The following ENTPD1 variants were observed in gnomAD, a reference collection of about 807,000 sequenced individuals.
ENTPD1 encodes ectonucleoside triphosphate diphosphohydrolase 1, also known as ATP diphosphohydrolase.
ENTPD1 carries 33 observed loss-of-function variants against 57.0 expected under a neutral mutation model. The ratio of observed to expected loss-of-function variants is 0.58; its 90% CI spans 0.44 to 0.77. ENTPD1 has a LOEUF of 0.77. ENTPD1 is among the 30% of genes least tolerant of loss of function. The pLI is 0.00. For missense variants in ENTPD1, 501 were observed against 603.4 expected (o/e 0.83, Z 1.78); for synonymous variants, 202 against 218.8 (o/e 0.92, Z 0.68).
intron 2 of ENTPD1, among the ~76,000 whole-genome samples, chr10:95,836,686 G>A (rs2098410526): frequency 6.6e-6 from 1 of 152,190 alleles, no homozygotes; most frequent in Non-Finnish European, 1.5e-5. Context: ...GGACTTTTGA[G>A]CCCAGGAGGC....
Position 95,864,789 on chromosome 10 carries a change from C to G in ENTPD1, c.1254C>G (p.Tyr418Ter). The G allele has an allele frequency of 6.2e-7, 1 of 1,614,088 alleles. No homozygotes were observed. The highest frequency in any genetic ancestry group is 8.5e-7 in the Non-Finnish European group (1 of 1,179,986). ...YLSEYCFSGT[Y>*]ILSLLLQGYH... ...GTGAATACTGCTTTTCTGGTACCTA[C>G]ATTCTCTCCCTCCTTCTGCAAGGCT... Residue 418 changes from tyrosine (Y) to a stop codon, truncating the protein, a stop_gained, in exon 9 of 10, where the codon TAC becomes TAG. Coordinates refer to ENST00000371205, the MANE Select transcript of ENTPD1 (RefSeq NM_001776.6). LOFTEE classifies it high-confidence loss of function.
chr10:95,822,590 C>T (rs986453617), intron 1 of ENTPD1, among the ~76,000 whole-genome samples: 2 of 152,194 alleles, frequency 1.3e-5, no homozygotes, highest in Non-Finnish European at 2.9e-5. Context: ...CTGCCGTGTC[C>T]GGCCACTTTT....
chr10:95,730,186 A>G (rs1485469872), intron 1 of ENTPD1, among the ~76,000 whole-genome samples: 1 of 151,546 alleles, frequency 6.6e-6, no homozygotes, highest in Non-Finnish European at 1.5e-5. Context: ...GCAGGTATGC[A>G]TGCCACCACA....
At chr10:95,799,145 A>AT (rs954127291) in intron 1 of ENTPD1, among the ~76,000 whole-genome samples, 4 of 152,198 alleles carry the variant, frequency 2.6e-5, no homozygotes, top group African/African-American at 9.6e-5. Context: ...ATATCAGCTC[A>AT]TTTTTTAAAC....
chr10:95,802,361 G>C (rs1012593434), intron 1 of ENTPD1, among the ~76,000 whole-genome samples: 2 of 152,144 alleles, frequency 1.3e-5, no homozygotes, highest in Non-Finnish European at 2.9e-5. Context: ...CAGAGAGAGA[G>C]AGCAGGTTGT....
At chr10:95,829,428 G>A (rs945947177) in intron 2 of ENTPD1, among the ~76,000 whole-genome samples, 1 of 152,206 alleles carries the variant, frequency 6.6e-6, no homozygotes, top group Non-Finnish European at 1.5e-5. Flanking sequence ...GTGTCAGAGG[G>A]GTCATGTGGG....
intron 1 of ENTPD1, among the ~76,000 whole-genome samples, chr10:95,810,153 GA>G (rs2098298017): frequency 6.7e-6 from 1 of 149,538 alleles, no homozygotes; most frequent in Non-Finnish European, 1.5e-5. Context: ...CGGCCGGGCA[GA>G]GGCGCTCCTC....
intron 1 of ENTPD1, among the ~76,000 whole-genome samples, chr10:95,799,841 G>A (rs557634135): frequency 6.6e-6 from 1 of 152,278 alleles, no homozygotes; most frequent in Admixed American, 6.5e-5. Context: ...TGACTGGTGT[G>A]AGATGGTATC....
At chr10:95,802,153 ATTGGT>A (rs1236639868) in intron 1 of ENTPD1, among the ~76,000 whole-genome samples, 1 of 152,182 alleles carries the variant, frequency 6.6e-6, no homozygotes, top group African/African-American at 2.4e-5. Context: ...TAAGAAATAC[ATTGGT>A]TTGTTTCAGA....
chr10:95,738,564 A>G (rs1234981225), intron 1 of ENTPD1, among the ~76,000 whole-genome samples: 1 of 152,114 alleles, frequency 6.6e-6, no homozygotes, highest in Non-Finnish European at 1.5e-5. Context: ...AGAAAGGCAA[A>G]ATTCGTCAGA....
rs2098482834 is a variant in ENTPD1 at position 95,873,649 on chromosome 10, C to T, written c.*7266C>T. On this transcript the variant is annotated 3_prime_UTR_variant, in exon 10 of 10. Transcript: ENST00000371205. ...TTCTGTCACTCTACTAGGGATGAAACAGCTAATCATGTTCAATAGTTACAT... is the reference window on the plus strand; with the variant it reads ...TTCTGTCACTCTACTAGGGATGAAATAGCTAATCATGTTCAATAGTTACAT... 1 of 985,262 alleles carries T rather than the reference C, an allele frequency of 1.0e-6. No individual in the cohort carries two copies. The highest frequency in any genetic ancestry group is 4.7e-5 in the South Asian group (1 of 21,292). The allele number at this position is 985,262 out of a possible 1,614,324, so 61.0% of individuals were successfully genotyped here.
At chr10:95,831,383 T>A (rs530270008) in intron 2 of ENTPD1, among the ~76,000 whole-genome samples, 84 of 152,282 alleles carry the variant, frequency 5.5e-4, no homozygotes, top group Non-Finnish European at 1.1e-3. Context: ...GCTCTTAGGG[T>A]CACAGGAGTT....
intron 1 of ENTPD1, among the ~76,000 whole-genome samples, chr10:95,786,490 G>A (rs755622729): frequency 2.6e-5 from 4 of 152,232 alleles, no homozygotes; most frequent in South Asian, 2.1e-4. Context: ...TTGCACTACC[G>A]TCCTTTGCCT....
Position 95,847,657 on chromosome 10 carries a change from A to G in ENTPD1, c.1025A>G (p.Gln342Arg). The G allele has an allele frequency of 6.2e-7, 1 of 1,614,234 alleles. No individual in the cohort carries two copies. The highest frequency in any genetic ancestry group is 8.5e-7 in the Non-Finnish European group (1 of 1,180,036). ...AACACCAGTTACTGCCCTTACTCCCAGTGTGCCTTCAATGGGATTTTCTTG... is the reference window on the plus strand; with the variant it reads ...AACACCAGTTACTGCCCTTACTCCCGGTGTGCCTTCAATGGGATTTTCTTG... ...LFNTSYCPYS[Q>R]CAFNGIFLPP... The change falls in exon 7 of 10, where the codon CAG becomes CGG. Residue 342 changes from glutamine to arginine, a missense_variant. Transcript: ENST00000371205.
Position 95,839,631 on chromosome 10 carries a change from A to G in ENTPD1, c.145-60A>G, listed in dbSNP as rs1352844932. 3.2e-6 allele frequency: 5 copies of G among 1,555,932 alleles called. No homozygotes were observed. The East Asian group carries it at 1.1e-4, about 35-fold the overall frequency. The stretch of plus-strand genomic sequence containing the variant: ...GAAAATTCCAGTCCTTTCTTTTGCA[A>G]GCCTAATATGGAGATGAGTGATGTG... On this transcript the variant is annotated intron_variant, in intron 2 of 9. Transcript: ENST00000371205.
chr10:95,819,938 CT>C (rs1303344418), intron 1 of ENTPD1, among the ~76,000 whole-genome samples: 1 of 152,220 alleles, frequency 6.6e-6, no homozygotes, highest in African/African-American at 2.4e-5. Context: ...AAATTAAGGG[CT>C]TTTCAGGGGG....
chr10:95,866,952 A>G lies in ENTPD1; in HGVS notation c.*569A>G, dbSNP rs775259163. The G allele has an allele frequency of 8.9e-6, 9 of 1,011,068 alleles. No homozygotes were observed. Among genetic ancestry groups the G allele is most frequent in the Non-Finnish European group, 9.5e-6 (8 of 844,444 alleles). The allele number at this position is 1,011,068 out of a possible 1,614,324, so 62.6% of individuals were successfully genotyped here. A position where few individuals can be genotyped will look rare whatever the true frequency, so the allele number is the denominator to read the frequency against. Reference sequence around the variant, plus strand: ...AAGCCAAAGAGTTTTATAAGGAAATATATGTGCTCATGCAGTCAATACAGT... The same window carrying G: ...AAGCCAAAGAGTTTTATAAGGAAATGTATGTGCTCATGCAGTCAATACAGT... On this transcript the variant is annotated 3_prime_UTR_variant, in exon 10 of 10. Transcript: ENST00000371205.
chr10:95,845,857 G>C, intron 6 of ENTPD1: 1 of 533,804 alleles, frequency 1.9e-6, no homozygotes, highest in South Asian at 2.2e-5. Flanking sequence ...TCTCCCCCTC[G>C]TGGGGTTGAT....
chr10:95,708,435 A>C (rs1589629837), upstream of ENTPD1, among the ~76,000 whole-genome samples: 1 of 152,022 alleles, frequency 6.6e-6, no homozygotes, highest in East Asian at 1.9e-4. Context: ...GATGGTCTCA[A>C]TCTCCTGACC....
Sources: allele counts gnomAD v4.1 joint callset (sites outside exome capture counted in the v4.1 genomes callset), GRCh38; gene constraint gnomAD v4.1.1; transcripts MANE v1.5; gene names NCBI Gene and HGNC (gene_info 2026-07-23, HGNC 2026-07-21).